Variants in SEMA3A observed in about 807,000 individuals in gnomAD.
SEMA3A encodes semaphorin-3A.
A neutral mutation model predicts 97.9 loss-of-function variants in SEMA3A; 29 were observed. The ratio of observed to expected loss-of-function variants is 0.30; its 90% CI spans 0.22 to 0.40. SEMA3A has a LOEUF of 0.40. Among genes scored for constraint, SEMA3A ranks in the 10% least tolerant of loss-of-function variants. The pLI is 1.00. For missense variants in SEMA3A, 763 were observed against 951.3 expected (o/e 0.80, Z 2.60); for synonymous variants, 321 against 323.7 (o/e 0.99, Z 0.09).
chr7:84,017,302 A>C (rs1791143474), intron 6 of SEMA3A, among the ~76,000 whole-genome samples: 1 of 152,200 alleles, frequency 6.6e-6, no homozygotes, highest in Non-Finnish European at 1.5e-5. Flanking sequence ...ACTCAATCAA[A>C]TTATCAAGTA....
intron 2 of SEMA3A, among the ~76,000 whole-genome samples, chr7:84,364,445 C>A (rs907159503): frequency 6.6e-6 from 1 of 151,668 alleles, no homozygotes; most frequent in Non-Finnish European, 1.5e-5. Flanking sequence ...AAATCCATCA[C>A]CCTTTTGGAT....
chr7:84,054,741 TG>T (rs1417526188), intron 5 of SEMA3A, among the ~76,000 whole-genome samples: 3 of 147,212 alleles, frequency 2.0e-5, no homozygotes, highest in Non-Finnish European at 4.5e-5. Context: ...GTTCCGTTGC[TG>T]GTGAGGAACT....
chr7:83,977,611 A>G (rs1789204817), intron 14 of SEMA3A, among the ~76,000 whole-genome samples: 1 of 151,898 alleles, frequency 6.6e-6, no homozygotes, highest in Admixed American at 6.6e-5. Flanking sequence ...TTTTTTTCTG[A>G]TTATTAATGA....
At chr7:84,058,977 A>G (rs1272740757) in intron 5 of SEMA3A, among the ~76,000 whole-genome samples, 4 of 152,186 alleles carry the variant, frequency 2.6e-5, no homozygotes, top group Non-Finnish European at 5.9e-5. Context: ...TAAATAATCA[A>G]GCAAGTCCCT....
chr7:83,959,710 T>G lies in SEMA3A; in HGVS notation c.*1661A>C, dbSNP rs1158707467. ...GACAGCTAGAGTTAGAATTTCAATG[T>G]TGCTTCATTAATTACTAATAAGATG... is the stretch of plus-strand genomic sequence containing the variant. On this transcript the variant is annotated 3_prime_UTR_variant, in exon 17 of 17. Transcript: ENST00000265362. The G allele has an allele frequency of 2.0e-5, 3 of 152,108 alleles. No individual in the cohort carries two copies. Among genetic ancestry groups the G allele is most frequent in the Admixed American group, 2.0e-4 (3 of 15,270 alleles). 9.4% of individuals were successfully genotyped at this position (152,108 alleles called of 1,614,324 possible). A position where few individuals can be genotyped will look rare whatever the true frequency, so the allele number is the denominator to read the frequency against.
At chr7:84,115,995 T>C (rs1022588912) in intron 3 of SEMA3A, among the ~76,000 whole-genome samples, 1 of 152,142 alleles carries the variant, frequency 6.6e-6, no homozygotes, top group Non-Finnish European at 1.5e-5. Context: ...CAGAAATCAT[T>C]ACACATAAAA....
chr7:84,110,621 A>G, intron 3 of SEMA3A, 32 bp from the exon 4 acceptor site: 1 of 1,612,746 alleles, frequency 6.2e-7, no homozygotes, highest in Non-Finnish European at 8.5e-7. Flanking sequence ...AAAGAGTTTC[A>G]GCAATCAGCA....
Position 84,005,398 on chromosome 7 carries a change from A to G in SEMA3A, c.1301T>C (p.Ile434Thr). The G allele has an allele frequency of 6.2e-7, 1 of 1,613,860 alleles. No homozygotes were observed. The highest frequency in any genetic ancestry group is 8.5e-7 in the Non-Finnish European group (1 of 1,179,818). The change falls in exon 11 of 17, where the codon ATT (isoleucine) becomes ACT (threonine). Residue 434 changes from isoleucine to threonine, a missense_variant. Around this residue, in one of 2 missense-constraint regions of SEMA3A, gnomAD observed 678 missense variants for 881.3 expected, o/e 0.77. Transcript: ENST00000265362. ...KTDVNYQFTQ[I>T]VVDRVDAEDG... ...TTCTGCATCCACTCGGTCTACGACA[A>G]TTTGTGTAAATTGATAATTTACATC...
intron 4 of SEMA3A, among the ~76,000 whole-genome samples, chr7:84,074,355 T>C (rs1203664630): frequency 6.6e-6 from 1 of 152,150 alleles, no homozygotes; most frequent in Non-Finnish European, 1.5e-5. Flanking sequence ...TATTTAACAA[T>C]ATACATTGTG....
intron 2 of SEMA3A, among the ~76,000 whole-genome samples, chr7:84,329,945 G>A (rs779148100): frequency 3.1e-4 from 47 of 151,934 alleles, no homozygotes; most frequent in Non-Finnish European, 5.3e-4. Context: ...GTAACTGCTG[G>A]TTTAATTGAT....
At chr7:84,357,549 G>T (rs1487812186) in intron 2 of SEMA3A, among the ~76,000 whole-genome samples, 1 of 152,120 alleles carries the variant, frequency 6.6e-6, no homozygotes, top group Non-Finnish European at 1.5e-5. Context: ...TGGACATTTG[G>T]ATTGGTCCCA....
At chr7:84,053,090 A>G (rs1792760865) in intron 5 of SEMA3A, among the ~76,000 whole-genome samples, 2 of 143,562 alleles carry the variant, frequency 1.4e-5, no homozygotes, top group South Asian at 2.4e-4. Context: ...GTTTGTTATA[A>G]TTTCTGTTCT....
Position 84,182,068 on chromosome 7 carries a change from T to G in SEMA3A, c.112+12407A>C, listed in dbSNP as rs536079510. Among the ~76,000 whole-genome samples the G allele has an allele frequency of 5.5e-4, 84 of 152,276 alleles. 1 individual carries two copies. The South Asian group carries it at 0.017, about 30-fold the overall frequency. ...GTCTTCTGTTAGACAAAAGCCCCTT[T>G]AAGTTGCTCTCAACATGTTCTTCAT... On this transcript the variant is annotated intron_variant, in intron 1 of 16. Coordinates refer to ENST00000265362, the MANE Select transcript of SEMA3A (RefSeq NM_006080.3).
chr7:84,145,746 A>G lies in SEMA3A; in HGVS notation c.113-10795T>C, dbSNP rs79123413. 6.4e-3 allele frequency among the ~76,000 whole-genome samples: 973 copies of G among 152,282 alleles called. 6 individuals carry two copies. The highest frequency in any genetic ancestry group is 0.011 in the Non-Finnish European group (738 of 67,988). The stretch of plus-strand genomic sequence containing the variant: ...CAAAATCTACTGAAACAGTGAAGTA[A>G]CTTGTTCTTTATATTTAATTTCTCT... On this transcript the variant is annotated intron_variant, in intron 1 of 16. Transcript: ENST00000265362.
chr7:84,272,873 T>C (rs1038283353), intron 3 of SEMA3A, among the ~76,000 whole-genome samples: 2 of 152,110 alleles, frequency 1.3e-5, no homozygotes, highest in Non-Finnish European at 2.9e-5. Flanking sequence ...AGTTGAAATG[T>C]AAACGCAATT....
chr7:84,418,202 AT>A (rs768529352), intron 1 of SEMA3A, among the ~76,000 whole-genome samples: 2 of 152,062 alleles, frequency 1.3e-5, no homozygotes, highest in Non-Finnish European at 2.9e-5. Flanking sequence ...AGACTGGGCA[AT>A]TTATAAAGGA....
At chr7:84,291,870 G>C (rs1020058405) in intron 3 of SEMA3A, among the ~76,000 whole-genome samples, 1 of 152,078 alleles carries the variant, frequency 6.6e-6, no homozygotes, top group African/African-American at 2.4e-5. Context: ...AGCACCTGTG[G>C]TGCAAGTGCT....
intron 3 of SEMA3A, among the ~76,000 whole-genome samples, chr7:84,245,572 C>T (rs1170039631): frequency 2.6e-5 from 4 of 151,648 alleles, no homozygotes; most frequent in East Asian, 2.0e-4. Flanking sequence ...TTATTACCCA[C>T]CTTCTGCTTG....
At chr7:84,319,417 A>G (rs1256432245) in intron 2 of SEMA3A, among the ~76,000 whole-genome samples, 1 of 152,110 alleles carries the variant, frequency 6.6e-6, no homozygotes, top group Non-Finnish European at 1.5e-5. Flanking sequence ...AAGGGGGTAA[A>G]GAGGTAGATT....
Sources: allele counts gnomAD v4.1 joint callset (sites outside exome capture counted in the v4.1 genomes callset), GRCh38; gene constraint gnomAD v4.1.1; regional missense constraint gnomAD v4.1.1; transcripts MANE v1.5; gene names NCBI Gene and HGNC (gene_info 2026-07-23, HGNC 2026-07-21).